The following CNTNAP2 variants were observed in gnomAD, a reference collection of about 807,000 sequenced individuals.
CNTNAP2 encodes contactin associated protein 2.
Under a neutral mutation model 155.2 loss-of-function variants are expected in CNTNAP2, and 98 were observed. The ratio of observed to expected loss-of-function variants is 0.63; its 90% CI spans 0.54 to 0.75. The LOEUF (loss-of-function observed/expected upper bound fraction) is 0.75. Among genes scored for constraint, CNTNAP2 ranks in the 30% least tolerant of loss-of-function variants. CNTNAP2 has a pLI of 0.00. For missense variants in CNTNAP2, 1,727 were observed against 1,688.1 expected (o/e 1.02, Z -0.40); for synonymous variants, 651 against 631.2 (o/e 1.03, Z -0.47).
At chr7:147,673,061 T>C (rs1217834674) in intron 13 of CNTNAP2, 1 of 152,180 alleles carries the variant, frequency 6.6e-6, no homozygotes, top group Non-Finnish European at 1.5e-5. Flanking sequence ...GAAACATAAT[T>C]AGAAGATTCC....
At chr7:146,721,859 ATG>A (rs1339848281) in intron 1 of CNTNAP2, among the ~76,000 whole-genome samples, 10 of 92,722 alleles carry the variant, frequency 1.1e-4, no homozygotes, top group Admixed American at 3.0e-4. Flanking sequence ...CTACATTTAT[ATG>A]TGTGTGTGTG....
At chr7:147,342,683 A>G (rs1001205481) in intron 9 of CNTNAP2, among the ~76,000 whole-genome samples, 1 of 152,212 alleles carries the variant, frequency 6.6e-6, no homozygotes, top group Non-Finnish European at 1.5e-5. Context: ...CAGGTGGCAT[A>G]ATAAAATTTA....
intron 3 of CNTNAP2, among the ~76,000 whole-genome samples, chr7:147,022,289 G>A (rs1798830515): frequency 6.6e-6 from 1 of 152,020 alleles, no homozygotes; most frequent in Non-Finnish European, 1.5e-5. Flanking sequence ...CAGCTGTGAC[G>A]AGTTCACTAT....
chr7:146,837,087 A>G (rs755199544), intron 2 of CNTNAP2, among the ~76,000 whole-genome samples: 2 of 152,154 alleles, frequency 1.3e-5, no homozygotes, highest in Non-Finnish European at 2.9e-5. Context: ...GGAATTCAAT[A>G]AACTTCTCAC....
intron 14 of CNTNAP2, 103 bp from the exon 15 acceptor site, chr7:147,977,759 C>G: frequency 1.3e-6 from 2 of 1,500,372 alleles, no homozygotes; most frequent in Non-Finnish European, 1.8e-6. Flanking sequence ...AACTTCCAAA[C>G]GATTACTGAA....
intron 9 of CNTNAP2, among the ~76,000 whole-genome samples, chr7:147,320,789 C>T (rs1795337559): frequency 6.6e-6 from 1 of 152,164 alleles, no homozygotes; most frequent in African/African-American, 2.4e-5. Context: ...TTCACTCTCG[C>T]AGAGGTCCCT....
chr7:148,247,467 C>A (rs1165794623), intron 20 of CNTNAP2, among the ~76,000 whole-genome samples: 1 of 151,920 alleles, frequency 6.6e-6, no homozygotes, highest in African/African-American at 2.4e-5. Context: ...AATAAGCATG[C>A]AGATATTTCT....
intron 8 of CNTNAP2, among the ~76,000 whole-genome samples, chr7:147,277,254 G>A (rs1473155357): frequency 3.3e-5 from 5 of 151,952 alleles, no homozygotes; most frequent in African/African-American, 4.8e-5. Flanking sequence ...ATTTAAGACT[G>A]TCTCAAAACT....
At chr7:147,474,410 C>G (rs1184970037) in intron 10 of CNTNAP2, among the ~76,000 whole-genome samples, 2 of 152,140 alleles carry the variant, frequency 1.3e-5, no homozygotes, top group Non-Finnish European at 2.9e-5. Flanking sequence ...GCCTGGCCAA[C>G]ATGGTGAAAC....
At chr7:147,769,414 T>C (rs1398131239) in intron 13 of CNTNAP2, among the ~76,000 whole-genome samples, 1 of 152,168 alleles carries the variant, frequency 6.6e-6, no homozygotes, top group African/African-American at 2.4e-5. Flanking sequence ...ATATCATTTT[T>C]CTTCTGTTTG....
intron 3 of CNTNAP2, among the ~76,000 whole-genome samples, chr7:146,869,680 G>A (rs1795269044): frequency 6.6e-6 from 1 of 152,120 alleles, no homozygotes; most frequent in African/African-American, 2.4e-5. Flanking sequence ...ATAAGTCCAA[G>A]AGTCCCAAAA....
chr7:147,606,713 A>G (rs1801070757), intron 12 of CNTNAP2, among the ~76,000 whole-genome samples: 1 of 152,210 alleles, frequency 6.6e-6, no homozygotes, highest in Non-Finnish European at 1.5e-5. Context: ...ATGCAAACAC[A>G]GACATAAACA....
intron 3 of CNTNAP2, among the ~76,000 whole-genome samples, chr7:146,955,275 C>T (rs1325328160): frequency 1.3e-5 from 2 of 151,950 alleles, no homozygotes; most frequent in African/African-American, 4.8e-5. Flanking sequence ...TCTTCTTTTG[C>T]TAAATATTTC....
chr7:146,516,847 C>A (rs988241279), intron 1 of CNTNAP2, among the ~76,000 whole-genome samples: 1 of 151,874 alleles, frequency 6.6e-6, no homozygotes, highest in Non-Finnish European at 1.5e-5. Context: ...TCAAACAGTG[C>A]CCCAAAACGA....
intron 11 of CNTNAP2, among the ~76,000 whole-genome samples, chr7:147,509,577 T>C (rs1363034512): frequency 6.6e-6 from 1 of 152,098 alleles, no homozygotes; most frequent in Non-Finnish European, 1.5e-5. Context: ...CTGATATTAG[T>C]CACATATTTG....
intron 3 of CNTNAP2, among the ~76,000 whole-genome samples, chr7:147,018,752 G>T (rs968730417): frequency 3.9e-5 from 6 of 152,018 alleles, no homozygotes; most frequent in Non-Finnish European, 8.8e-5. Flanking sequence ...CAGGCACTAA[G>T]GAGATTAAAT....
chr7:146,503,926 T>C (rs545370645), intron 1 of CNTNAP2, among the ~76,000 whole-genome samples: 1 of 152,284 alleles, frequency 6.6e-6, no homozygotes, highest in South Asian at 2.1e-4. Context: ...GAAATGGTGT[T>C]ATTCTCTTCC....
chr7:148,204,678 G>C (rs369631187), intron 18 of CNTNAP2, among the ~76,000 whole-genome samples: 4 of 152,268 alleles, frequency 2.6e-5, no homozygotes, highest in South Asian at 4.1e-4. Context: ...GTAATAATCA[G>C]TGGTTCCTGG....
intron 9 of CNTNAP2, among the ~76,000 whole-genome samples, chr7:147,370,490 T>G (rs1796323492): frequency 6.6e-6 from 1 of 152,182 alleles, no homozygotes; most frequent in African/African-American, 2.4e-5. Flanking sequence ...AGTCGCTTGT[T>G]AAATTGTTGT....
Sources: gnomAD v4.1 joint callset for allele counts (sites outside exome capture counted in the v4.1 genomes callset) on GRCh38, gnomAD v4.1.1 for gene constraint, MANE v1.5 for transcripts, NCBI Gene and HGNC (gene_info 2026-07-23, HGNC 2026-07-21) for gene names.